TTC36: variants seen among roughly 807,000 people sequenced by gnomAD.
TTC36 encodes the protein tetratricopeptide repeat domain 36.
A neutral mutation model predicts 17.5 loss-of-function variants in TTC36; 15 were observed. The ratio of observed to expected loss-of-function variants is 0.86; its 90% CI spans 0.57 to 1.32. The LOEUF is 1.32. Among genes scored for constraint, TTC36 ranks in the 40% most tolerant of loss-of-function variants. The probability of loss-of-function intolerance (pLI) is 0.00; values close to 1 mark genes in which losing one functional copy is unlikely to be tolerated. For missense variants in TTC36, 292 were observed against 260.9 expected, an observed-to-expected ratio of 1.12 and a Z score of -0.82; for synonymous variants, 112 against 109.8, an observed-to-expected ratio of 1.02 and a Z score of -0.13.
chr11:118,530,285 A>G lies in TTC36; in HGVS notation c.308-369A>G, dbSNP rs1951186325. Among the ~76,000 whole-genome samples, 1 of 152,250 alleles carries G rather than the reference A, an allele frequency of 6.6e-6. No individual in the cohort carries two copies. The highest frequency in any genetic ancestry group is 2.1e-4 in the South Asian group (1 of 4,836). ...GTGGATGCTTAATAACAGGTGTGGAATAAATTGGCTGCTACTTGCCCGGGC... is the reference window on the plus strand; with the variant it reads ...GTGGATGCTTAATAACAGGTGTGGAGTAAATTGGCTGCTACTTGCCCGGGC... On this transcript the variant is annotated intron_variant, in intron 2 of 2. Transcript: ENST00000302783. The surrounding 1 kb of genome is among the most constrained non-coding windows in gnomAD (Gnocchi z 5.8).
Position 118,530,824 on chromosome 11 carries a change from C to A in TTC36, c.478C>A (p.Gln160Lys). ...ARLGSPFARR[Q>K]LVLLNPYAAL... ...GCTGGGCAGCCCCTTCGCGCGGCGCCAGCTGGTGCTGCTCAACCCCTACGC... is the reference window on the plus strand; with the variant it reads ...GCTGGGCAGCCCCTTCGCGCGGCGCAAGCTGGTGCTGCTCAACCCCTACGC... Residue 160 changes from glutamine to lysine, a missense_variant, in exon 3 of 3, where the codon CAG becomes AAG. By Grantham distance (53) the Gln-to-Lys change is moderately conservative. Transcript: ENST00000302783. This position sits in a 1 kb window ranked among gnomAD's most constrained non-coding sequence, Gnocchi z 5.8. 2 of 1,504,810 alleles carry A rather than the reference C, an allele frequency of 1.3e-6. No individual in the cohort carries two copies. The highest frequency in any genetic ancestry group is 1.8e-6 in the Non-Finnish European group (2 of 1,134,946). The allele number at this position is 1,504,810 out of a possible 1,614,324, so 93.2% of individuals were successfully genotyped here.
In TTC36 at chr11:118,530,810, CCTT is replaced by C; in HGVS notation, c.466_468del (p.Phe156del). On this transcript the variant is annotated inframe_deletion, in exon 3 of 3. Transcript: ENST00000302783. The surrounding 1 kb of genome is among the most constrained non-coding windows in gnomAD (Gnocchi z 5.8). ...GAGAGGGCGGCACGGCTGGGCAGCC[CCTT>C]CGCGCGGCGCCAGCTGGTGCTGCTC... is the stretch of plus-strand genomic sequence containing the variant. 1 of 1,503,636 alleles carries C rather than the reference CCTT, an allele frequency of 6.7e-7. No homozygotes were observed. The highest frequency in any genetic ancestry group is 1.4e-5 in the African/African-American group (1 of 69,022). The allele number at this position is 1,503,636 out of a possible 1,614,324, so 93.1% of individuals were successfully genotyped here.
Position 118,530,604 on chromosome 11 carries a change from C to A in TTC36, c.308-50C>A, listed in dbSNP as rs1555057225. ...AGGTGGGCTGGGGCTCGGGCAAGGC[C>A]GCCCTGGCCTCCGCTGACCCCCGCC... On this transcript the variant is annotated intron_variant, in intron 2 of 2. Coordinates refer to ENST00000302783, the MANE Select transcript of TTC36 (RefSeq NM_001080441.4). This position sits in a 1 kb window ranked among gnomAD's most constrained non-coding sequence, Gnocchi z 5.8. The A allele has an allele frequency of 7.3e-7, 1 of 1,370,026 alleles. No individual in the cohort carries two copies. The highest frequency in any genetic ancestry group is 1.7e-5 in the South Asian group (1 of 57,536). The allele number at this position is 1,370,026 out of a possible 1,614,324, so 84.9% of individuals were successfully genotyped here. A position where few individuals can be genotyped will look rare whatever the true frequency, so the allele number is the denominator to read the frequency against.
In TTC36 at chr11:118,527,584, G is replaced by A; in HGVS notation, c.90G>A (p.Glu30=). The change falls in exon 1 of 3, where the codon GAG becomes GAA. Residue 30 remains glutamate, a synonymous_variant. Coordinates refer to ENST00000302783, the MANE Select transcript of TTC36 (RefSeq NM_001080441.4). ...ACATTGTTGGATTGGACCTCGGAGA[G>A]GAAGCAGAAAAGGAAGAACGAGAAG... ...FGDIVGLDLG[E]EAEKEEREED... is the part of the protein sequence containing the mutation. 2 of 1,614,146 alleles carry A rather than the reference G, an allele frequency of 1.2e-6. No homozygotes were observed. The highest frequency in any genetic ancestry group is 1.7e-6 in the Non-Finnish European group (2 of 1,179,962).
At chr11:118,529,554 G>C (rs1555056782) in intron 2 of TTC36, among the ~76,000 whole-genome samples, 1 of 152,196 alleles carries the variant, frequency 6.6e-6, no homozygotes, top group African/African-American at 2.4e-5. Context: ...CAAAGATGAG[G>C]CTAATGTGAA....
chr11:118,527,746 C>T, intron 1 of TTC36, 134 bp downstream of exon 1: 1 of 756,384 alleles, frequency 1.3e-6, no homozygotes. Flanking sequence ...GAGAGGTTGG[C>T]TGCTCCTTAG....
At chr11:118,527,876 C>T (rs782811245) in intron 1 of TTC36, 53 of 555,654 alleles carry the variant, frequency 9.5e-5, no homozygotes, top group Non-Finnish European at 1.5e-4. Flanking sequence ...ATGATCCAAG[C>T]TTAACTGCCA....
In TTC36 at chr11:118,527,558, G is replaced by GTGTC; in HGVS notation, c.64_65insTGTC (p.Asp22ValfsTer21). ...CTTCAACCCTGACACCCCATTTGGAGACATTGTTGGATTGGACCTCGGAGA... is the reference window on the plus strand; with the variant it reads ...CTTCAACCCTGACACCCCATTTGGAGTGTCACATTGTTGGATTGGACCTCGGAGA... On this transcript the variant is annotated frameshift_variant, in exon 1 of 3. Coordinates refer to ENST00000302783, the MANE Select transcript of TTC36 (RefSeq NM_001080441.4). LOFTEE classifies it high-confidence loss of function. 3 of 1,614,198 alleles carry GTGTC rather than the reference G, an allele frequency of 1.9e-6. No individual in the cohort carries two copies. In the East Asian group the frequency reaches 6.7e-5, roughly 36 times the overall value.
In TTC36 at chr11:118,530,649, C is replaced by G; in HGVS notation, c.308-5C>G. The G allele has an allele frequency of 6.9e-7, 1 of 1,445,290 alleles. No homozygotes were observed. Among genetic ancestry groups the G allele is most frequent in the Non-Finnish European group, 9.0e-7 (1 of 1,108,736 alleles). The allele number at this position is 1,445,290 out of a possible 1,614,324, so 89.5% of individuals were successfully genotyped here. A position where few individuals can be genotyped will look rare whatever the true frequency, so the allele number is the denominator to read the frequency against. ...CCCGCCCCGCCCGTCTCGTCGGTCCCGCAGGCGCCCTGGAGGATCTGGAAC... is the reference window on the plus strand; with the variant it reads ...CCCGCCCCGCCCGTCTCGTCGGTCCGGCAGGCGCCCTGGAGGATCTGGAAC... On this transcript the variant is annotated splice_polypyrimidine_tract_variant and splice_region_variant and intron_variant, in intron 2 of 2. Transcript: ENST00000302783. The surrounding 1 kb of genome is among the most constrained non-coding windows in gnomAD (Gnocchi z 5.8).
rs1365485674 is a variant in TTC36, at chr11:118,530,622, CCCCCG to C, written c.308-23_308-19del. The stretch of plus-strand genomic sequence containing the variant: ...GCAAGGCCGCCCTGGCCTCCGCTGA[CCCCCG>C]CCCCGCCCGTCTCGTCGGTCCCGCA... On this transcript the variant is annotated intron_variant, in intron 2 of 2. Coordinates refer to ENST00000302783, the MANE Select transcript of TTC36 (RefSeq NM_001080441.4). This position sits in a 1 kb window ranked among gnomAD's most constrained non-coding sequence, Gnocchi z 5.8. 3.6e-6 allele frequency: 5 copies of C among 1,401,348 alleles called. No individual in the cohort carries two copies. Among genetic ancestry groups the C allele is most frequent in the Non-Finnish European group, 9.2e-7 (1 of 1,089,214 alleles). The allele number at this position is 1,401,348 out of a possible 1,614,324, so 86.8% of individuals were successfully genotyped here. A position where few individuals can be genotyped will look rare whatever the true frequency, so the allele number is the denominator to read the frequency against.
rs782704541 is a variant in TTC36, at chr11:118,530,698, C to T, written c.352C>T (p.Arg118Trp). Reference protein sequence around the residue: ...LERAVELSGGRGRAARQSFVQ... With the variant: ...LERAVELSGGWGRAARQSFVQ... ...ACGCGCGGTGGAGCTGAGCGGCGGCCGGGGCCGCGCCGCCCGCCAGAGCTT... is the reference window on the plus strand; with the variant it reads ...ACGCGCGGTGGAGCTGAGCGGCGGCTGGGGCCGCGCCGCCCGCCAGAGCTT... Residue 118 changes from arginine (R) to tryptophan (W), a missense_variant, in exon 3 of 3, where the codon CGG becomes TGG. Coordinates refer to ENST00000302783, the MANE Select transcript of TTC36 (RefSeq NM_001080441.4). This position sits in a 1 kb window ranked among gnomAD's most constrained non-coding sequence, Gnocchi z 5.8. The T allele has an allele frequency of 2.6e-5, 38 of 1,476,930 alleles. No individual in the cohort carries two copies. The African/African-American group carries it at 3.8e-4, about 15-fold the overall frequency. 91.5% of individuals were successfully genotyped at this position (1,476,930 alleles called of 1,614,324 possible).
In TTC36 at chr11:118,528,673, G is replaced by C; in HGVS notation, c.189G>C (p.Glu63Asp). Residue 63 changes from glutamate (E) to aspartate (D), a missense_variant, in exon 2 of 3, where the codon GAG becomes GAC. By Grantham distance (45) the Glu-to-Asp change is conservative (BLOSUM62 2). Transcript: ENST00000302783. ...ALELQGVMAA[E>D]AGDLSTALER... ...AGCTGCAGGGGGTGATGGCAGCAGAGGCTGGGGACCTCAGCACAGCCCTGG... is the reference window on the plus strand; with the variant it reads ...AGCTGCAGGGGGTGATGGCAGCAGACGCTGGGGACCTCAGCACAGCCCTGG... 3 of 1,612,692 alleles carry C rather than the reference G, an allele frequency of 1.9e-6. No homozygotes were observed. The highest frequency in any genetic ancestry group is 2.5e-6 in the Non-Finnish European group (3 of 1,179,266).
rs1043912927 is a variant in TTC36, at chr11:118,530,902, C to G, written c.556C>G (p.Arg186Gly). The G allele has an allele frequency of 2.7e-6, 4 of 1,503,072 alleles. No homozygotes were observed. The highest frequency in any genetic ancestry group is 3.5e-6 in the Non-Finnish European group (4 of 1,133,450). The allele number at this position is 1,503,072 out of a possible 1,614,324, so 93.1% of individuals were successfully genotyped here. A position where few individuals can be genotyped will look rare whatever the true frequency, so the allele number is the denominator to read the frequency against. ...CATGATGGGGCAGCTGCGCCGCCCC[C>G]GTGACAGCCGCTGAGCGCCGCGGAC... ...ADMMGQLRRPRDSR is the reference protein window; with the variant it reads ...ADMMGQLRRPGDSR The change falls in exon 3 of 3, where the codon CGT (arginine) becomes GGT (glycine). Residue 186 changes from arginine to glycine, a missense_variant. Coordinates refer to ENST00000302783, the MANE Select transcript of TTC36 (RefSeq NM_001080441.4). The surrounding 1 kb of genome is among the most constrained non-coding windows in gnomAD (Gnocchi z 5.8).
At chr11:118,527,740 G>A in intron 1 of TTC36, 128 bp downstream of exon 1, 1 of 764,694 alleles carries the variant, frequency 1.3e-6, no homozygotes. Context: ...GAATCAGAGA[G>A]GTTGGCTGCT....
intron 2 of TTC36, among the ~76,000 whole-genome samples, chr11:118,529,156 A>C (rs1951145027): frequency 6.6e-6 from 1 of 152,238 alleles, no homozygotes; most frequent in Non-Finnish European, 1.5e-5. Flanking sequence ...ACAACCCTAA[A>C]AAGTATGTAC....
chr11:118,528,780 G>A lies in TTC36; in HGVS notation c.296G>A (p.Gly99Glu), dbSNP rs782605766. 1.2e-6 allele frequency: 2 copies of A among 1,608,326 alleles called. No homozygotes were observed. The highest frequency in any genetic ancestry group is 2.0e-4 in the Middle Eastern group (1 of 5,018). Residue 99 changes from glycine (G) to glutamate (E), a missense_variant, in exon 2 of 3, where the codon GGA becomes GAA. By Grantham distance (98) the Gly-to-Glu change is moderately conservative (BLOSUM62 -2). Transcript: ENST00000302783. ...CGTGCCCAGGCCCGGCGACTCCAGG[G>A]AGACGTGGCAGGTAAGGGGAGATGC... is the stretch of plus-strand genomic sequence containing the variant. The part of the protein sequence containing the change: ...NNRAQARRLQ[G>E]DVAGALEDLE...
At chr11:118,528,460 C>T (rs1490696762) in intron 1 of TTC36, 143 bp from the exon 2 acceptor site, 14 of 763,952 alleles carry the variant, frequency 1.8e-5, no homozygotes, top group Non-Finnish European at 4.0e-6. Context: ...TCTCCCCCTA[C>T]CCCAAACACT....
In TTC36 at chr11:118,530,710, GC is replaced by G; in HGVS notation, c.367del (p.Arg123AlafsTer56). On this transcript the variant is annotated frameshift_variant, in exon 3 of 3. Coordinates refer to ENST00000302783, the MANE Select transcript of TTC36 (RefSeq NM_001080441.4). LOFTEE classifies it high-confidence loss of function. The surrounding 1 kb of genome is among the most constrained non-coding windows in gnomAD (Gnocchi z 5.8). ...VELSGGRGRA[A>X]RQSFVQRGLL... The stretch of plus-strand genomic sequence containing the variant: ...GCTGAGCGGCGGCCGGGGCCGCGCC[GC>G]CCGCCAGAGCTTTGTGCAGCGCGGA... 1 of 1,480,126 alleles carries G rather than the reference GC, an allele frequency of 6.8e-7. No homozygotes were observed. 91.7% of individuals were successfully genotyped at this position (1,480,126 alleles called of 1,614,324 possible). A position where few individuals can be genotyped will look rare whatever the true frequency, so the allele number is the denominator to read the frequency against.
At chr11:118,528,571 C>T (rs1795464357) in intron 1 of TTC36, 32 bp from the exon 2 acceptor site, 3 of 1,522,496 alleles carry the variant, frequency 2.0e-6, no homozygotes, top group Non-Finnish European at 2.6e-6. Context: ...CAACTGCACA[C>T]CTGGCTTCTC....
Sources: gnomAD v4.1 joint callset for allele counts (sites outside exome capture counted in the v4.1 genomes callset) on GRCh38, gnomAD v4.1.1 for gene constraint, Gnocchi (gnomAD v3.1) non-coding constraint, MANE v1.5 for transcripts, NCBI Gene and HGNC (gene_info 2026-07-23, HGNC 2026-07-21) for gene names.